The following PPM1E variants were observed in gnomAD, a reference collection of about 807,000 sequenced individuals.
The protein encoded by PPM1E is protein phosphatase, Mg2+/Mn2+ dependent 1E.
PPM1E carries 20 observed loss-of-function variants against 65.9 expected under a neutral mutation model. That is an observed-to-expected ratio of 0.30 (90% CI 0.21 to 0.44). The LOEUF (loss-of-function observed/expected upper bound fraction) is 0.44, where lower values mean the gene tolerates loss of function less well. Ranked by LOEUF, PPM1E falls within the 20% of genes least tolerant of loss-of-function variation. The pLI is 1.00. For synonymous variants in PPM1E, 352 were observed against 374.9 expected (o/e 0.94, Z 0.70); for missense variants, 713 against 953.1 (o/e 0.75, Z 3.32).
At chr17:58,762,953 TAAAAC>T (rs2049837490) in intron 1 of PPM1E, among the ~76,000 whole-genome samples, 3 of 152,106 alleles carry the variant, frequency 2.0e-5, no homozygotes, top group South Asian at 2.1e-4. Context: ...AGGTTAAACT[TAAAAC>T]AAAATTCATG....
In PPM1E at chr17:58,756,411, G is replaced by A. The variant is rs991103052; in HGVS notation, c.414G>A (p.Glu138=). The A allele has an allele frequency of 1.9e-5, 26 of 1,357,076 alleles. No individual in the cohort carries two copies. Among genetic ancestry groups the A allele is most frequent in the Admixed American group, 4.0e-5 (1 of 24,856 alleles). The allele number at this position is 1,357,076 out of a possible 1,614,324, so 84.1% of individuals were successfully genotyped here. A position where few individuals can be genotyped will look rare whatever the true frequency, so the allele number is the denominator to read the frequency against. ...PRPLSERITR[E]EVEGESLDLC... ...CGCTGTCAGAGCGCATCACCCGCGA[G>A]GAGGTGGAGGGCGAAAGCCTGGACC... Residue 138 remains glutamate (E), a synonymous_variant, in exon 1 of 7, where the codon GAG becomes GAA. Coordinates refer to ENST00000308249, the MANE Select transcript of PPM1E (RefSeq NM_014906.5).
chr17:58,777,708 C>T (rs552027383), intron 1 of PPM1E, among the ~76,000 whole-genome samples: 1 of 152,202 alleles, frequency 6.6e-6, no homozygotes, highest in Admixed American at 6.5e-5. Flanking sequence ...CTCAAATAAA[C>T]AGAATTTTAC....
At chr17:58,884,700 A>T (rs1487174249) in intron 1 of PPM1E, among the ~76,000 whole-genome samples, 1 of 152,136 alleles carries the variant, frequency 6.6e-6, no homozygotes, top group African/African-American at 2.4e-5. Context: ...TCTGCCACTT[A>T]CTAGCTATTA....
intron 1 of PPM1E, among the ~76,000 whole-genome samples, chr17:58,763,204 G>A (rs1392702124): frequency 6.6e-6 from 1 of 152,100 alleles, no homozygotes; most frequent in Admixed American, 6.6e-5. Context: ...AGAAGGAGGA[G>A]CTGTGTTCTG....
At chr17:58,904,603 G>A (rs987757869) in intron 1 of PPM1E, among the ~76,000 whole-genome samples, 1 of 152,002 alleles carries the variant, frequency 6.6e-6, no homozygotes, top group Non-Finnish European at 1.5e-5. Flanking sequence ...GGAATAACTG[G>A]CATCTTGACA....
intron 1 of PPM1E, among the ~76,000 whole-genome samples, chr17:58,915,114 C>T (rs1249510887): frequency 1.3e-5 from 2 of 152,066 alleles, no homozygotes; most frequent in East Asian, 3.9e-4. Context: ...GAATTCAGGG[C>T]AAGTCCACAG....
Position 58,982,532 on chromosome 17 carries a change from C to T in PPM1E, c.*1501C>T, listed in dbSNP as rs2031419747. The T allele has an allele frequency of 4.8e-6, 1 of 210,046 alleles. No homozygotes were observed. The highest frequency in any genetic ancestry group is 9.7e-6 in the Non-Finnish European group (1 of 103,586). 13.0% of individuals were successfully genotyped at this position (210,046 alleles called of 1,614,324 possible). A position where few individuals can be genotyped will look rare whatever the true frequency, so the allele number is the denominator to read the frequency against. On this transcript the variant is annotated 3_prime_UTR_variant, in exon 7 of 7. Coordinates refer to ENST00000308249, the MANE Select transcript of PPM1E (RefSeq NM_014906.5). ...GTGTTTATAGGATAGTACACGTTCC[C>T]CAGGCCCATAACAGAGGACTAAAAT...
In PPM1E at chr17:58,981,240, C is replaced by T; in HGVS notation, c.*209C>T. 1.9e-6 allele frequency: 1 copy of T among 526,748 alleles called. No individual in the cohort carries two copies. Among genetic ancestry groups the T allele is most frequent in the Non-Finnish European group, 3.3e-6 (1 of 301,072 alleles). The allele number at this position is 526,748 out of a possible 1,614,324, so 32.6% of individuals were successfully genotyped here. On this transcript the variant is annotated 3_prime_UTR_variant, in exon 7 of 7. Transcript: ENST00000308249. ...TGGCAGTTTCACTTGCAAAATTACA[C>T]AGCTGGTCCCTGTGATGTGTCTCGA...
chr17:58,845,742 G>A (rs1342753689), intron 1 of PPM1E, among the ~76,000 whole-genome samples: 3 of 152,072 alleles, frequency 2.0e-5, no homozygotes, highest in African/African-American at 7.2e-5. Context: ...GTGCAGTGGC[G>A]CGATCTTGGC....
chr17:58,949,120 T>C (rs1049787659), intron 1 of PPM1E, among the ~76,000 whole-genome samples: 1 of 152,252 alleles, frequency 6.6e-6, no homozygotes. Flanking sequence ...TGTTATTGTA[T>C]TGGCATCTGT....
chr17:58,824,245 T>C (rs1272759974), intron 1 of PPM1E, among the ~76,000 whole-genome samples: 1 of 152,160 alleles, frequency 6.6e-6, no homozygotes, highest in Non-Finnish European at 1.5e-5. Context: ...TTAAAACTTT[T>C]TTTCTCATAG....
intron 1 of PPM1E, among the ~76,000 whole-genome samples, chr17:58,860,157 G>C (rs1698506447): frequency 6.6e-6 from 1 of 152,188 alleles, no homozygotes. Flanking sequence ...GATCTTAACA[G>C]TGGAATTCAG....
chr17:58,767,064 G>A (rs980966510), intron 1 of PPM1E, among the ~76,000 whole-genome samples: 1 of 152,068 alleles, frequency 6.6e-6, no homozygotes, highest in Non-Finnish European at 1.5e-5. Flanking sequence ...GGATTGATAA[G>A]TATCTTTCTG....
At chr17:58,901,680 A>G (rs1292404736) in intron 1 of PPM1E, among the ~76,000 whole-genome samples, 1 of 149,446 alleles carries the variant, frequency 6.7e-6, no homozygotes, top group Non-Finnish European at 1.5e-5. Context: ...GTCTCAAAAA[A>G]TAATAATAAA....
At chr17:58,844,832 A>G (rs1362759585) in intron 1 of PPM1E, among the ~76,000 whole-genome samples, 1 of 152,234 alleles carries the variant, frequency 6.6e-6, no homozygotes, top group Non-Finnish European at 1.5e-5. Flanking sequence ...GAAATCTAGC[A>G]GTCTTCTAGC....
chr17:58,804,920 C>T (rs767396291), intron 1 of PPM1E, among the ~76,000 whole-genome samples: 2 of 151,978 alleles, frequency 1.3e-5, no homozygotes, highest in Non-Finnish European at 2.9e-5. Flanking sequence ...CTTTGAAATA[C>T]ATAATACATT....
At chr17:58,883,253 C>T (rs370957350) in intron 1 of PPM1E, among the ~76,000 whole-genome samples, 16 of 151,842 alleles carry the variant, frequency 1.1e-4, no homozygotes, top group African/African-American at 3.6e-4. Context: ...CCACCGCGCC[C>T]GGCCTGTTAT....
At chr17:58,869,449 G>A (rs2051045015) in intron 1 of PPM1E, among the ~76,000 whole-genome samples, 1 of 151,972 alleles carries the variant, frequency 6.6e-6, no homozygotes, top group East Asian at 1.9e-4. Context: ...TCATTCTATT[G>A]GTTCCCATGA....
chr17:58,962,967 T>A (rs1306145130), intron 2 of PPM1E, among the ~76,000 whole-genome samples: 1 of 152,032 alleles, frequency 6.6e-6, no homozygotes, highest in African/African-American at 2.4e-5. Context: ...CATGCACCTG[T>A]GATCCCAGCT....
Sources: allele counts gnomAD v4.1 joint callset (sites outside exome capture counted in the v4.1 genomes callset), GRCh38; gene constraint gnomAD v4.1.1; transcripts MANE v1.5; gene names NCBI Gene and HGNC (gene_info 2026-07-23, HGNC 2026-07-21).